The following DOK6 variants were observed in gnomAD, a reference collection of about 807,000 sequenced individuals.
DOK6 encodes the protein downstream of tyrosine kinase 6.
DOK6 carries 22 observed loss-of-function variants against 44.0 expected under a neutral mutation model. The ratio of observed to expected loss-of-function variants is 0.50; its 90% CI spans 0.36 to 0.71. The LOEUF is 0.71. DOK6 is among the 30% of genes least tolerant of loss of function. The pLI, the probability that DOK6 is intolerant of heterozygous loss-of-function variation, is 0.00. For missense variants in DOK6, 340 were observed against 416.4 expected (o/e 0.82, Z 1.60); for synonymous variants, 166 against 145.5 (o/e 1.14, Z -1.01).
chr18:69,683,678 C>T (rs2144690410), intron 4 of DOK6, among the ~76,000 whole-genome samples: 1 of 152,294 alleles, frequency 6.6e-6, no homozygotes, highest in South Asian at 2.1e-4. Context: ...GGGGATGGCC[C>T]TGCCAGTACT....
chr18:69,818,040 C>T (rs1414252927), intron 7 of DOK6, among the ~76,000 whole-genome samples: 2 of 152,152 alleles, frequency 1.3e-5, no homozygotes, highest in Non-Finnish European at 2.9e-5. Context: ...AAACATACAC[C>T]ATACACCTCC....
At chr18:69,693,932 G>A (rs1456905630) in intron 4 of DOK6, among the ~76,000 whole-genome samples, 5 of 151,342 alleles carry the variant, frequency 3.3e-5, no homozygotes, top group East Asian at 1.9e-4. Context: ...GGTGGCGGGC[G>A]CCTGTAGTCC....
intron 7 of DOK6, among the ~76,000 whole-genome samples, chr18:69,812,424 GC>G (rs1981269495): frequency 6.6e-6 from 1 of 152,016 alleles, no homozygotes; most frequent in Admixed American, 6.6e-5. Context: ...AAATTGCCAT[GC>G]AAAACTGAGG....
intron 7 of DOK6, among the ~76,000 whole-genome samples, chr18:69,800,101 AC>A (rs1407365757): frequency 7.4e-5 from 11 of 149,482 alleles, no homozygotes; most frequent in Non-Finnish European, 1.3e-4. Flanking sequence ...TTAAAAAAAA[AC>A]ACACAAAAAT....
At chr18:69,700,692 G>A (rs1184067556) in intron 5 of DOK6, among the ~76,000 whole-genome samples, 2 of 152,276 alleles carry the variant, frequency 1.3e-5, no homozygotes, top group Middle Eastern at 3.4e-3. Flanking sequence ...CATCTGTTTT[G>A]TAAATTCCAG....
At chr18:69,692,523 T>A (rs1417698611) in intron 4 of DOK6, among the ~76,000 whole-genome samples, 1 of 152,252 alleles carries the variant, frequency 6.6e-6, no homozygotes, top group African/African-American at 2.4e-5. Context: ...GAAACAAATT[T>A]GAAGCCTCCT....
chr18:69,404,298 G>A (rs1205765166), intron 1 of DOK6, among the ~76,000 whole-genome samples: 1 of 152,218 alleles, frequency 6.6e-6, no homozygotes, highest in Admixed American at 6.5e-5. Context: ...CCCTTGCCCT[G>A]TGTCTCACTG....
intron 1 of DOK6, among the ~76,000 whole-genome samples, chr18:69,537,539 G>A (rs1346439581): frequency 6.6e-6 from 1 of 152,166 alleles, no homozygotes; most frequent in African/African-American, 2.4e-5. Flanking sequence ...TTATTTAACT[G>A]ATTGAATTGC....
chr18:69,748,090 A>G (rs1164699977), intron 6 of DOK6, among the ~76,000 whole-genome samples: 1 of 152,218 alleles, frequency 6.6e-6, no homozygotes, highest in African/African-American at 2.4e-5. Flanking sequence ...CAGGGGTTAC[A>G]ATCCTGGTTT....
chr18:69,505,491 C>CT (rs772908185), intron 1 of DOK6, among the ~76,000 whole-genome samples: 39,502 of 88,764 alleles, frequency 0.45, 10,110 homozygotes, highest in East Asian at 0.77. Flanking sequence ...TACTCCCATT[C>CT]TTTTTTTTTT....
At chr18:69,471,641 G>C (rs12970431) in intron 1 of DOK6, 6,473 of 149,908 alleles carry the variant, frequency 0.043, 206 homozygotes, top group Non-Finnish European at 0.068. Flanking sequence ...GTGGGGGGTT[G>C]CACGGAGAAG....
At chr18:69,589,149 T>C (rs1476051977) in intron 2 of DOK6, among the ~76,000 whole-genome samples, 2 of 152,092 alleles carry the variant, frequency 1.3e-5, no homozygotes, top group Non-Finnish European at 2.9e-5. Context: ...ATATAATGTA[T>C]GAGGTAATAC....
intron 2 of DOK6, among the ~76,000 whole-genome samples, chr18:69,580,708 C>A (rs72967471): frequency 0.09 from 13,757 of 152,084 alleles, 724 homozygotes; most frequent in South Asian, 0.16. Context: ...GTCCTTCTAG[C>A]TATTTGAAAA....
At chr18:69,594,078 C>T (rs185381676) in intron 2 of DOK6, among the ~76,000 whole-genome samples, 74 of 152,040 alleles carry the variant, frequency 4.9e-4, no homozygotes, top group Admixed American at 4.3e-3. Flanking sequence ...TTTCAGAACA[C>T]GATTTAATGT....
intron 7 of DOK6, among the ~76,000 whole-genome samples, chr18:69,788,326 ATCT>A (rs1980493995): frequency 6.6e-6 from 1 of 152,206 alleles, no homozygotes; most frequent in African/African-American, 2.4e-5. Flanking sequence ...CTCCTAAGTC[ATCT>A]TCTCACTCAC....
chr18:69,757,346 G>A (rs974862183), intron 6 of DOK6, among the ~76,000 whole-genome samples: 1 of 152,198 alleles, frequency 6.6e-6, no homozygotes, highest in Non-Finnish European at 1.5e-5. Flanking sequence ...TTCTGAAGCA[G>A]CTGGCACCTT....
chr18:69,606,777 T>G (rs1416107808), intron 3 of DOK6, among the ~76,000 whole-genome samples: 1 of 103,788 alleles, frequency 9.6e-6, no homozygotes, highest in African/African-American at 3.3e-5. Flanking sequence ...TTTTTTTTTT[T>G]GGAGACAGAG....
At chr18:69,535,157 G>A (rs73452045) in intron 1 of DOK6, among the ~76,000 whole-genome samples, 1,549 of 152,228 alleles carry the variant, frequency 0.01, 30 homozygotes, top group African/African-American at 0.035. Flanking sequence ...TGAGGGGAAC[G>A]AATGTGAATC....
At chr18:69,652,436 G>A (rs2144663980) in intron 3 of DOK6, among the ~76,000 whole-genome samples, 1 of 152,296 alleles carries the variant, frequency 6.6e-6, no homozygotes, top group South Asian at 2.1e-4. Context: ...CTGTACAGGA[G>A]AACATCCCTC....
Sources: gnomAD v4.1 joint callset for allele counts (sites outside exome capture counted in the v4.1 genomes callset) on GRCh38, gnomAD v4.1.1 for gene constraint, MANE v1.5 for transcripts, NCBI Gene and HGNC (gene_info 2026-07-23, HGNC 2026-07-21) for gene names.